Variants in PHF24 observed in about 807,000 individuals in gnomAD.
PHF24 encodes the protein PHD finger protein 24, also known as Galpha inhibitory interacting protein.
PHF24 carries 25 observed loss-of-function variants against 42.6 expected under a neutral mutation model. That is an observed-to-expected ratio of 0.59 (90% confidence interval 0.43 to 0.82). The LOEUF is 0.82. PHF24 is among the 40% of genes least tolerant of loss of function. The probability of loss-of-function intolerance (pLI) is 0.00; values close to 1 mark genes in which losing one functional copy is unlikely to be tolerated. For missense variants in PHF24, 470 were observed against 538.1 expected (o/e 0.87, Z 1.25); for synonymous variants, 185 against 204.8 (o/e 0.90, Z 0.83).
chr9:34,977,302 AG>A, intron 6 of PHF24, 59 bp downstream of exon 6: 1 of 1,528,456 alleles, frequency 6.5e-7, no homozygotes, highest in Non-Finnish European at 8.8e-7. Context: ...TTTCCATGCC[AG>A]TGGCCCTTCC....
chr9:34,760,411 A>G, the PHF24 span, among the ~76,000 whole-genome samples: 1 of 152,194 alleles, frequency 6.6e-6, no homozygotes, highest in African/African-American at 2.4e-5. Flanking sequence ...AATACTAGTG[A>G]ACATCTCAAA....
At chr9:34,858,070 A>ATTATTTATTTAC in the PHF24 span, among the ~76,000 whole-genome samples, 1 of 150,898 alleles carries the variant, frequency 6.6e-6, no homozygotes, top group Non-Finnish European at 1.5e-5. Context: ...TTCTTTTTAA[A>ATTATTTATTTAC]TTATTTATTT....
the PHF24 span, among the ~76,000 whole-genome samples, chr9:34,761,696 A>T: frequency 3.9e-5 from 6 of 152,002 alleles, no homozygotes; most frequent in Non-Finnish European, 5.9e-5. Flanking sequence ...TGATTTTTTT[A>T]AATTTTATTA....
At chr9:34,685,876 A>G in the PHF24 span, among the ~76,000 whole-genome samples, 1 of 152,152 alleles carries the variant, frequency 6.6e-6, no homozygotes, top group Non-Finnish European at 1.5e-5. Context: ...AGATAGGTCA[A>G]CTCAGAGAAG....
chr9:34,695,981 T>C, the PHF24 span, among the ~76,000 whole-genome samples: 6 of 152,102 alleles, frequency 3.9e-5, no homozygotes, highest in East Asian at 5.8e-4. Flanking sequence ...CTGGAGCACG[T>C]AGAAGCATCA....
At chr9:34,956,388 T>C (rs1432873280), upstream of PHF24, among the ~76,000 whole-genome samples, 1 of 152,048 alleles carries the variant, frequency 6.6e-6, no homozygotes. Context: ...GCCTCCCGAG[T>C]AGCTGGGACC....
chr9:34,791,780 G>A, the PHF24 span, among the ~76,000 whole-genome samples: 12 of 152,026 alleles, frequency 7.9e-5, no homozygotes, highest in African/African-American at 2.9e-4. Context: ...CATGTAAGAT[G>A]TAGACTGAAT....
chr9:34,953,860 T>C (rs1366151150), upstream of PHF24, among the ~76,000 whole-genome samples: 4 of 152,136 alleles, frequency 2.6e-5, no homozygotes, highest in African/African-American at 9.7e-5. This position sits in a 1 kb window ranked among gnomAD's most constrained non-coding sequence, Gnocchi z 4.1. Flanking sequence ...AGCTTGAGCC[T>C]GGGAGGTCAA....
chr9:34,807,347 A>C, the PHF24 span, among the ~76,000 whole-genome samples: 1 of 152,132 alleles, frequency 6.6e-6, no homozygotes, highest in Non-Finnish European at 1.5e-5. Context: ...ACAGCCTCCC[A>C]CCTATTCTCT....
chr9:34,835,695 G>A, the PHF24 span: 1 of 1,551,384 alleles, frequency 6.4e-7, no homozygotes, highest in Admixed American at 2.0e-5. Context: ...GCCCTAGCTG[G>A]AGGTGATCAG....
chr9:34,824,250 G>T, the PHF24 span, among the ~76,000 whole-genome samples: 1 of 152,226 alleles, frequency 6.6e-6, no homozygotes, highest in African/African-American at 2.4e-5. Flanking sequence ...CTGGGGGCAT[G>T]GCTGTTCCTG....
the PHF24 span, chr9:34,709,841 C>A: frequency 6.9e-5 from 111 of 1,614,090 alleles, no homozygotes; most frequent in Non-Finnish European, 9.3e-5. Context: ...ACAACCTTGG[C>A]GGGAATCTTC....
At chr9:34,669,466 TGAG>T in the PHF24 span, among the ~76,000 whole-genome samples, 205 of 151,826 alleles carry the variant, frequency 1.4e-3, 1 homozygote, top group African/African-American at 4.6e-3. Context: ...GATGGACAAA[TGAG>T]GAGAGTCCCT....
At chr9:34,696,391 G>A in the PHF24 span, among the ~76,000 whole-genome samples, 1 of 151,904 alleles carries the variant, frequency 6.6e-6, no homozygotes, top group African/African-American at 2.4e-5. Context: ...AGGGGGCTGA[G>A]GCAGGAGAAT....
the PHF24 span, among the ~76,000 whole-genome samples, chr9:34,750,296 AC>A: frequency 6.6e-6 from 1 of 152,076 alleles, no homozygotes; most frequent in Non-Finnish European, 1.5e-5. Flanking sequence ...AGAGTTTGAG[AC>A]CAGACTGGTC....
At chr9:34,921,042 A>G in the PHF24 span, among the ~76,000 whole-genome samples, 1 of 152,166 alleles carries the variant, frequency 6.6e-6, no homozygotes, top group African/African-American at 2.4e-5. Flanking sequence ...AATAACAGTT[A>G]AAGTGAGCTT....
the PHF24 span, among the ~76,000 whole-genome samples, chr9:34,711,499 A>G: frequency 6.7e-6 from 1 of 150,194 alleles, no homozygotes; most frequent in Non-Finnish European, 1.5e-5. Context: ...TCCCAAAGTA[A>G]TGGGATTACA....
chr9:34,955,062 T>G (rs1826340523), upstream of PHF24, among the ~76,000 whole-genome samples: 2 of 152,236 alleles, frequency 1.3e-5, no homozygotes, highest in African/African-American at 4.8e-5. Flanking sequence ...AGGTGAAAGA[T>G]TGTTTCTTGC....
At chr9:34,828,002 C>G in the PHF24 span, among the ~76,000 whole-genome samples, 5 of 151,934 alleles carry the variant, frequency 3.3e-5, no homozygotes, top group African/African-American at 1.2e-4. Flanking sequence ...AACCACCTTT[C>G]CCTGCCCACC....
Sources: allele counts gnomAD v4.1 joint callset (sites outside exome capture counted in the v4.1 genomes callset), GRCh38; gene constraint gnomAD v4.1.1; non-coding constraint Gnocchi (gnomAD v3.1); transcripts MANE v1.5; gene names NCBI Gene and HGNC (gene_info 2026-07-23, HGNC 2026-07-21).